SDCCAG8: variants seen among roughly 807,000 people sequenced by gnomAD.
SDCCAG8 encodes the protein SHH signaling and ciliogenesis regulator SDCCAG8, also known as serologically defined colon cancer antigen 8.
In SDCCAG8, 74 loss-of-function variants were observed where a neutral mutation model predicts 101.8. The observed-to-expected ratio is 0.73, with a 90% confidence interval of 0.60 to 0.88. The LOEUF (loss-of-function observed/expected upper bound fraction) is 0.88. SDCCAG8 is among the 40% of genes least tolerant of loss of function. The probability of loss-of-function intolerance (pLI) is 0.00; values close to 1 mark genes in which losing one functional copy is unlikely to be tolerated. For missense variants in SDCCAG8, 787 were observed against 822.6 expected, an observed-to-expected ratio of 0.96 and a Z score of 0.53; for synonymous variants, 281 against 292.9, an observed-to-expected ratio of 0.96 and a Z score of 0.41.
At chr1:243,484,517 C>T (rs1258475129) in intron 16 of SDCCAG8, among the ~76,000 whole-genome samples, 1 of 152,174 alleles carries the variant, frequency 6.6e-6, no homozygotes, top group Non-Finnish European at 1.5e-5. Context: ...GTCTAGTGCC[C>T]GACATAAAAG....
chr1:243,452,146 A>G (rs1249200718), intron 16 of SDCCAG8, among the ~76,000 whole-genome samples: 1 of 152,172 alleles, frequency 6.6e-6, no homozygotes, highest in Admixed American at 6.5e-5. Flanking sequence ...ACAGTAGGCC[A>G]CACACCAGAA....
In SDCCAG8 at chr1:243,485,913, C is replaced by T. The variant is rs183108628; in HGVS notation, c.1986-3101C>T. 2.5e-3 allele frequency among the ~76,000 whole-genome samples: 353 copies of T among 141,194 alleles called. 1 individual carries two copies. The highest frequency in any genetic ancestry group is 0.016 in the Middle Eastern group (3 of 184). 92.6% of individuals were successfully genotyped at this position (141,194 alleles called of 152,430 possible). ...TATCAAGAAAAAAAAAAAAATCAATCTCGGGCCGGGCGTGGTGGCTCACGC... is the reference window on the plus strand; with the variant it reads ...TATCAAGAAAAAAAAAAAAATCAATTTCGGGCCGGGCGTGGTGGCTCACGC... On this transcript the variant is annotated intron_variant, in intron 16 of 17. Transcript: ENST00000366541.
intron 15 of SDCCAG8, among the ~76,000 whole-genome samples, chr1:243,425,020 C>A (rs1437980934): frequency 3.3e-5 from 5 of 151,864 alleles, no homozygotes; most frequent in African/African-American, 1.2e-4. Flanking sequence ...CCTCTAAATT[C>A]TTTTGTATTG....
chr1:243,408,136 C>G (rs1376350097), intron 13 of SDCCAG8, among the ~76,000 whole-genome samples: 1 of 152,170 alleles, frequency 6.6e-6, no homozygotes, highest in Non-Finnish European at 1.5e-5. Flanking sequence ...CAGGATGATA[C>G]TTACACCTGT....
intron 13 of SDCCAG8, among the ~76,000 whole-genome samples, chr1:243,403,629 G>C (rs957515501): frequency 6.7e-6 from 1 of 149,788 alleles, no homozygotes; most frequent in African/African-American, 2.5e-5. Context: ...ATCTCCTGTC[G>C]GAGCAGCAGC....
At chr1:243,490,277 G>A (rs1666078223) in intron 17 of SDCCAG8, among the ~76,000 whole-genome samples, 1 of 152,228 alleles carries the variant, frequency 6.6e-6, no homozygotes, top group African/African-American at 2.4e-5. Context: ...AGGTGGAAAT[G>A]CCTCTACTGT....
Position 243,316,550 on chromosome 1 carries a change from A to T in SDCCAG8, c.930-205A>T, listed in dbSNP as rs934076859. On this transcript the variant is annotated intron_variant, in intron 8 of 17. Coordinates refer to ENST00000366541, the MANE Select transcript of SDCCAG8 (RefSeq NM_006642.5). ...CCCGCACAGATGCCGTCCTGCCACGAAGGCTCTTAGCCTTTCTGGCTGCTC... is the reference window on the plus strand; with the variant it reads ...CCCGCACAGATGCCGTCCTGCCACGTAGGCTCTTAGCCTTTCTGGCTGCTC... Among the ~76,000 whole-genome samples, 3 of 152,284 alleles carry T rather than the reference A, an allele frequency of 2.0e-5. No homozygotes were observed. In the East Asian group the frequency reaches 5.8e-4, roughly 29 times the overall value.
chr1:243,260,246 ATGTGTCCTG>A (rs2067101732), intron 1 of SDCCAG8, among the ~76,000 whole-genome samples: 1 of 152,346 alleles, frequency 6.6e-6, no homozygotes, highest in African/African-American at 2.4e-5. Flanking sequence ...TTAAAAGTGT[ATGTGTCCTG>A]GGTATCCTGG....
At chr1:243,368,043 G>T (rs901914839) in intron 12 of SDCCAG8, among the ~76,000 whole-genome samples, 7 of 151,460 alleles carry the variant, frequency 4.6e-5, no homozygotes, top group African/African-American at 1.4e-4. Flanking sequence ...ACAAAACCCC[G>T]TCTCTACAAA....
At chr1:243,390,976 A>T (rs760721711) in intron 13 of SDCCAG8, among the ~76,000 whole-genome samples, 4 of 152,114 alleles carry the variant, frequency 2.6e-5, no homozygotes, top group Non-Finnish European at 4.4e-5. Flanking sequence ...TTTTATATAT[A>T]TTTTTAGAGG....
At chr1:243,471,421 C>T (rs1385307556) in intron 16 of SDCCAG8, among the ~76,000 whole-genome samples, 5 of 152,252 alleles carry the variant, frequency 3.3e-5, no homozygotes, top group South Asian at 2.1e-4. Flanking sequence ...CAACTTATTA[C>T]GCTCGTGGGT....
At chr1:243,434,351 T>G (rs1454458422) in intron 16 of SDCCAG8, among the ~76,000 whole-genome samples, 1 of 152,216 alleles carries the variant, frequency 6.6e-6, no homozygotes, top group Non-Finnish European at 1.5e-5. Flanking sequence ...AATGTTTGTT[T>G]TTAAGTAACT....
chr1:243,499,858 C>A lies in SDCCAG8; in HGVS notation c.*73C>A. 7.1e-7 allele frequency: 1 copy of A among 1,399,022 alleles called. No homozygotes were observed. Among genetic ancestry groups the A allele is most frequent in the Non-Finnish European group, 1.0e-6 (1 of 994,314 alleles). The allele number at this position is 1,399,022 out of a possible 1,614,324, so 86.7% of individuals were successfully genotyped here. ...ATTCATCTGGTTTAGACTTAATATG[C>A]CACAACGCACCACGACCTTCCCAGG... On this transcript the variant is annotated 3_prime_UTR_variant, in exon 18 of 18. Transcript: ENST00000366541.
At chr1:243,401,489 G>T (rs1407805415) in intron 13 of SDCCAG8, among the ~76,000 whole-genome samples, 3 of 152,148 alleles carry the variant, frequency 2.0e-5, no homozygotes, top group Non-Finnish European at 2.9e-5. Context: ...ACTAGAGATT[G>T]AGTAAAGAAA....
At chr1:243,332,550 C>T (rs143793102) in intron 10 of SDCCAG8, among the ~76,000 whole-genome samples, 102 of 148,306 alleles carry the variant, frequency 6.9e-4, no homozygotes, top group African/African-American at 2.5e-3. Context: ...GTGATTATCA[C>T]GGTCCCGGTC....
intron 9 of SDCCAG8, among the ~76,000 whole-genome samples, chr1:243,328,647 G>A (rs537374160): frequency 6.6e-5 from 10 of 152,322 alleles, no homozygotes; most frequent in Admixed American, 5.9e-4. Flanking sequence ...AGCCATTGGT[G>A]GTGGCCATTC....
intron 9 of SDCCAG8, 59 bp downstream of exon 9, chr1:243,316,952 A>G (rs2149331815): frequency 6.5e-7 from 1 of 1,546,384 alleles, no homozygotes; most frequent in East Asian, 2.3e-5. Context: ...TTTTCTTCTG[A>G]GTATTTATTT....
In SDCCAG8 at chr1:243,405,356, A is replaced by C. The variant is rs538210183; in HGVS notation, c.1617-10346A>C. Among the ~76,000 whole-genome samples, 5 of 152,348 alleles carry C rather than the reference A, an allele frequency of 3.3e-5. No individual in the cohort carries two copies. In the East Asian group the frequency reaches 5.8e-4, roughly 18 times the overall value. On this transcript the variant is annotated intron_variant, in intron 13 of 17. Transcript: ENST00000366541. ...AAAATTAAAAACAAAATAAAAAAAC[A>C]TGGCAGCAAATCACAGCAAACCAAC...
intron 4 of SDCCAG8, among the ~76,000 whole-genome samples, chr1:243,277,249 G>A (rs1256860153): frequency 3.3e-5 from 5 of 152,160 alleles, no homozygotes; most frequent in South Asian, 2.1e-4. Flanking sequence ...TGGTTGTACC[G>A]TTATGCATTA....
Sources: allele counts gnomAD v4.1 joint callset (sites outside exome capture counted in the v4.1 genomes callset), GRCh38; gene constraint gnomAD v4.1.1; transcripts MANE v1.5; gene names NCBI Gene and HGNC (gene_info 2026-07-23, HGNC 2026-07-21).